The following KCNH1 variants were observed in gnomAD, a reference collection of about 807,000 sequenced individuals.
The protein encoded by KCNH1 is potassium voltage-gated channel subfamily H member 1.
KCNH1 carries 27 observed loss-of-function variants against 69.2 expected under a neutral mutation model. That is an observed-to-expected ratio of 0.39 (90% CI 0.29 to 0.54). KCNH1 has a LOEUF of 0.54. Among genes scored for constraint, KCNH1 ranks in the 20% least tolerant of loss-of-function variants. KCNH1 has a pLI of 0.68. For synonymous variants in KCNH1, 456 were observed against 487.7 expected, an observed-to-expected ratio of 0.93 and a Z score of 0.86; for missense variants, 798 against 1,261.6, an observed-to-expected ratio of 0.63 and a Z score of 5.57.
chr1:211,113,961 C>G (rs71638201), intron 1 of KCNH1, among the ~76,000 whole-genome samples: 17 of 125,544 alleles, frequency 1.4e-4, no homozygotes, highest in South Asian at 6.0e-4. Flanking sequence ...CTGTCTCTCT[C>G]TCTCTCTCTC....
At chr1:210,788,881 A>G (rs1003283344) in intron 9 of KCNH1, among the ~76,000 whole-genome samples, 4 of 149,882 alleles carry the variant, frequency 2.7e-5, no homozygotes, top group African/African-American at 1.0e-4. Context: ...TATTTTTAGT[A>G]GAGACGGGGT....
chr1:210,996,716 T>A (rs533208161), intron 6 of KCNH1, among the ~76,000 whole-genome samples: 2 of 152,328 alleles, frequency 1.3e-5, no homozygotes, highest in South Asian at 4.1e-4. Context: ...CTGAGCAGCC[T>A]AACTGGGAGG....
chr1:210,864,822 G>A (rs754487951), intron 7 of KCNH1, among the ~76,000 whole-genome samples: 1 of 152,180 alleles, frequency 6.6e-6, no homozygotes, highest in Non-Finnish European at 1.5e-5. Context: ...TTCAAAGACT[G>A]GGATGACTTA....
intron 7 of KCNH1, among the ~76,000 whole-genome samples, chr1:210,840,300 C>T (rs989932860): frequency 3.2e-4 from 48 of 151,076 alleles, no homozygotes; most frequent in African/African-American, 1.1e-3. Flanking sequence ...AAAAATAAAA[C>T]GAAAAAAAAC....
chr1:210,894,707 G>C (rs1435032478), intron 7 of KCNH1, among the ~76,000 whole-genome samples: 3 of 152,074 alleles, frequency 2.0e-5, no homozygotes, highest in Non-Finnish European at 2.9e-5. Context: ...TTATAAAAAT[G>C]AGCTCTCTCT....
chr1:211,053,291 T>C (rs577750000), intron 5 of KCNH1, among the ~76,000 whole-genome samples: 24 of 152,332 alleles, frequency 1.6e-4, no homozygotes, highest in African/African-American at 5.5e-4. Flanking sequence ...GTAGACTAAG[T>C]AAATGCAAGT....
intron 7 of KCNH1, among the ~76,000 whole-genome samples, chr1:210,902,158 C>T (rs1687009751): frequency 6.6e-6 from 1 of 152,210 alleles, no homozygotes; most frequent in Non-Finnish European, 1.5e-5. Context: ...CCCCTACCCG[C>T]AACCTTCCCG....
At chr1:210,771,062 C>T (rs1298390585) in intron 10 of KCNH1, among the ~76,000 whole-genome samples, 1 of 152,170 alleles carries the variant, frequency 6.6e-6, no homozygotes, top group African/African-American at 2.4e-5. Context: ...GATACTGTGA[C>T]GTAGCTTGTA....
At chr1:211,108,537 T>C (rs1412012078) in intron 1 of KCNH1, 1 of 152,196 alleles carries the variant, frequency 6.6e-6, no homozygotes, top group Non-Finnish European at 1.5e-5. Context: ...CCTTCTTAGA[T>C]GAGTTTATTC....
intron 10 of KCNH1, among the ~76,000 whole-genome samples, chr1:210,706,697 C>T (rs1681921477): frequency 6.6e-6 from 1 of 152,252 alleles, no homozygotes; most frequent in African/African-American, 2.4e-5. Context: ...TCAGACCATG[C>T]ATTACTAAGT....
intron 10 of KCNH1, among the ~76,000 whole-genome samples, chr1:210,764,384 A>G (rs894258604): frequency 6.6e-6 from 1 of 152,212 alleles, no homozygotes; most frequent in African/African-American, 2.4e-5. Context: ...TAATTAAATG[A>G]AAGAGCTTCT....
intron 6 of KCNH1, among the ~76,000 whole-genome samples, chr1:210,972,711 A>G (rs772711974): frequency 2.6e-5 from 4 of 152,224 alleles, no homozygotes; most frequent in Admixed American, 6.5e-5. Context: ...GAAAAAGTCT[A>G]TATCTACTGG....
chr1:210,753,954 G>C (rs991971029), intron 10 of KCNH1, among the ~76,000 whole-genome samples: 1 of 138,796 alleles, frequency 7.2e-6, no homozygotes, highest in Non-Finnish European at 1.5e-5. Context: ...TCGCTCCTTT[G>C]CCCAGGCTGG....
intron 7 of KCNH1, among the ~76,000 whole-genome samples, chr1:210,808,145 G>C (rs1296454464): frequency 6.6e-6 from 1 of 152,192 alleles, no homozygotes; most frequent in African/African-American, 2.4e-5. Flanking sequence ...TTTCCAGTGA[G>C]TCTGACTCTA....
chr1:210,775,312 G>C (rs1408603438), intron 10 of KCNH1, 36 bp downstream of exon 10: 1 of 1,577,948 alleles, frequency 6.3e-7, no homozygotes, highest in South Asian at 1.1e-5. Context: ...TACAGAGACT[G>C]TTCTTTGTGG....
intron 6 of KCNH1, among the ~76,000 whole-genome samples, chr1:210,951,123 C>A (rs1688055770): frequency 6.6e-6 from 1 of 152,186 alleles, no homozygotes; most frequent in South Asian, 2.1e-4. Flanking sequence ...GTGAGAATCT[C>A]TGCAGACTCA....
intron 6 of KCNH1, among the ~76,000 whole-genome samples, chr1:211,016,393 T>A (rs1379671352): frequency 6.6e-6 from 1 of 152,216 alleles, no homozygotes; most frequent in Non-Finnish European, 1.5e-5. Context: ...ACTGTTCTAT[T>A]TATCTGCAAA....
intron 10 of KCNH1, among the ~76,000 whole-genome samples, chr1:210,770,847 C>T (rs1386607892): frequency 8.5e-5 from 13 of 152,228 alleles, no homozygotes; most frequent in Admixed American, 7.9e-4. Flanking sequence ...GAGAGCCACA[C>T]TTCACTGAGG....
chr1:211,061,519 A>G, intron 5 of KCNH1, among the ~76,000 whole-genome samples: 1 of 152,188 alleles, frequency 6.6e-6, no homozygotes, highest in East Asian at 1.9e-4. Context: ...CCAAATTGAA[A>G]AGGAAGAAGT....
Sources: gnomAD v4.1 joint callset for allele counts (sites outside exome capture counted in the v4.1 genomes callset) on GRCh38, gnomAD v4.1.1 for gene constraint, MANE v1.5 for transcripts, NCBI Gene and HGNC (gene_info 2026-07-23, HGNC 2026-07-21) for gene names.